Variants in RPS6KA6 observed in about 807,000 individuals in gnomAD.
The protein encoded by RPS6KA6 is ribosomal protein S6 kinase A6.
A neutral mutation model predicts 65.4 loss-of-function variants in RPS6KA6; 27 were observed. That is an observed-to-expected ratio of 0.41 (90% CI 0.30 to 0.57). The LOEUF (loss-of-function observed/expected upper bound fraction) is 0.57. Among genes scored for constraint, RPS6KA6 ranks in the 20% least tolerant of loss-of-function variants. The probability of loss-of-function intolerance (pLI) is 0.24; values close to 1 mark genes in which losing one functional copy is unlikely to be tolerated. For missense variants in RPS6KA6, 486 were observed against 555.6 expected (o/e 0.87, Z 1.26); for synonymous variants, 190 against 184.2 (o/e 1.03, Z -0.26).
intron 6 of RPS6KA6, among the ~76,000 whole-genome samples, chrX:84,142,000 T>C (rs1006437470): frequency 8.1e-5 from 9 of 111,675 alleles, no homozygotes; most frequent in Admixed American, 2.9e-4. Context: ...GGCAATTTAA[T>C]ATCACTATCA....
chrX:84,156,918 T>C (rs2035426177), intron 2 of RPS6KA6, among the ~76,000 whole-genome samples: 1 of 111,766 alleles, frequency 8.9e-6, no homozygotes, highest in Non-Finnish European at 1.9e-5. Context: ...TATCACAAAA[T>C]AACAGAGTTG....
chrX:84,153,859 G>A (rs973144462), intron 3 of RPS6KA6, among the ~76,000 whole-genome samples: 2 of 111,343 alleles, frequency 1.8e-5, no homozygotes, highest in African/African-American at 6.5e-5. Context: ...ACTACATAAA[G>A]ATCACTATTT....
intron 20 of RPS6KA6, among the ~76,000 whole-genome samples, chrX:84,091,837 C>T (rs778179397): frequency 8.9e-6 from 1 of 111,972 alleles, no homozygotes; most frequent in South Asian, 3.7e-4. Flanking sequence ...TAAATATACA[C>T]CATGGAATAC....
intron 13 of RPS6KA6, 62 bp from the exon 14 acceptor site, chrX:84,107,102 C>G: frequency 2.1e-6 from 2 of 964,539 alleles, no homozygotes; most frequent in Non-Finnish European, 2.8e-6. Flanking sequence ...TATAAAGTGT[C>G]AGAATTTCTT....
chrX:84,137,459 GAATT>G (rs759673047), intron 6 of RPS6KA6, among the ~76,000 whole-genome samples: 1 of 111,056 alleles, frequency 9.0e-6, no homozygotes, highest in South Asian at 3.7e-4. Context: ...TTCTCAAAAT[GAATT>G]AAGAATTTTT....
intron 20 of RPS6KA6, among the ~76,000 whole-genome samples, chrX:84,079,496 G>T (rs1048821925): frequency 9.1e-6 from 1 of 109,719 alleles, no homozygotes; most frequent in South Asian, 3.9e-4. Flanking sequence ...CCCCTGGAAA[G>T]GGGGCTGAAG....
chrX:84,133,407 A>C (rs933820012), intron 8 of RPS6KA6, among the ~76,000 whole-genome samples: 5 of 112,069 alleles, frequency 4.5e-5, no homozygotes, highest in Admixed American at 2.9e-4. Flanking sequence ...TTGTTAAAAA[A>C]AATTATAAAT....
In RPS6KA6 at chrX:84,062,804, A is replaced by C. The variant is rs2033321576; in HGVS notation, c.*1473T>G. 1 of 111,402 alleles carries C rather than the reference A, an allele frequency of 9.0e-6. No homozygotes were observed. Among genetic ancestry groups the C allele is most frequent in the African/African-American group, 3.3e-5 (1 of 30,710 alleles). The allele number at this position is 111,402 out of a possible 1,213,427, so 9.2% of individuals were successfully genotyped here. A position where few individuals can be genotyped will look rare whatever the true frequency, so the allele number is the denominator to read the frequency against. On this transcript the variant is annotated 3_prime_UTR_variant, in exon 22 of 22. Coordinates refer to ENST00000262752, the MANE Select transcript of RPS6KA6 (RefSeq NM_014496.5). ...AGTAATCAACTTTCTCTCTGAATAA[A>C]GCAAAATAAAATACATAGCAAATAG... is the stretch of plus-strand genomic sequence containing the variant.
intron 3 of RPS6KA6, among the ~76,000 whole-genome samples, chrX:84,153,447 C>T (rs763107193): frequency 1.5e-4 from 17 of 111,373 alleles, no homozygotes; most frequent in Admixed American, 2.9e-4. Context: ...TAGCATTATA[C>T]TTGGTGTGCT....
chrX:84,141,292 T>G (rs745759809), intron 6 of RPS6KA6, among the ~76,000 whole-genome samples: 17 of 110,270 alleles, frequency 1.5e-4, no homozygotes, highest in Admixed American at 4.9e-4. Flanking sequence ...GAAGACCATA[T>G]TTTCCTGACC....
intron 20 of RPS6KA6, among the ~76,000 whole-genome samples, chrX:84,080,754 G>T (rs2033778111): frequency 1.9e-5 from 2 of 106,037 alleles, no homozygotes; most frequent in Admixed American, 2.0e-4. Flanking sequence ...AAATGCAAAA[G>T]AATGGAAATC....
At chrX:84,118,677 T>A (rs1258113023) in intron 9 of RPS6KA6, among the ~76,000 whole-genome samples, 1 of 112,144 alleles carries the variant, frequency 8.9e-6, no homozygotes, top group African/African-American at 3.2e-5. Context: ...CTTTGACAAT[T>A]CATTTCTTTT....
intron 18 of RPS6KA6, among the ~76,000 whole-genome samples, chrX:84,101,546 T>C (rs1225834484): frequency 9.0e-6 from 1 of 111,078 alleles, no homozygotes; most frequent in Admixed American, 9.6e-5. Flanking sequence ...TAGAAGATCC[T>C]AAAGACAATC....
intron 8 of RPS6KA6, among the ~76,000 whole-genome samples, chrX:84,127,777 T>TA (rs376097643): frequency 0.01 from 1,026 of 99,504 alleles, 11 homozygotes; most frequent in African/African-American, 0.032. Context: ...CTCTTCATGA[T>TA]AAAAAAAAAA....
chrX:84,065,094 C>A lies in RPS6KA6; in HGVS notation c.1989G>T (p.Met663Ile). 2 of 1,187,748 alleles carry A rather than the reference C, an allele frequency of 1.7e-6. No homozygotes were observed. Among genetic ancestry groups the A allele is most frequent in the Non-Finnish European group, 2.3e-6 (2 of 880,951 alleles). Residue 663 changes from methionine (M) to isoleucine (I), a missense_variant, in exon 21 of 22, where the codon ATG (methionine) becomes ATT (isoleucine). Met to Ile is a conservative substitution (Grantham distance 10). Coordinates refer to ENST00000262752, the MANE Select transcript of RPS6KA6 (RefSeq NM_014496.5). ...SDGAKDLLSHMLHMDPHQRYT... is the reference protein window; with the variant it reads ...SDGAKDLLSHILHMDPHQRYT... ...ACCGCTGATGTGGGTCCATATGAAG[C>A]ATATGGGAAAGCAAATCCTAAATTA... is the stretch of plus-strand genomic sequence containing the variant.
At chrX:84,143,525 G>A (rs1053964071) in intron 6 of RPS6KA6, among the ~76,000 whole-genome samples, 1 of 111,073 alleles carries the variant, frequency 9.0e-6, no homozygotes, top group African/African-American at 3.3e-5. Context: ...ACAATACTGC[G>A]AGAAATTAAA....
At chrX:84,065,353 G>A (rs1467900805) in intron 20 of RPS6KA6, among the ~76,000 whole-genome samples, 1 of 111,359 alleles carries the variant, frequency 9.0e-6, no homozygotes, top group African/African-American at 3.3e-5. Flanking sequence ...TGTGGAATTG[G>A]ATGTGTGATT....
chrX:84,069,124 G>T (rs1015881314), intron 20 of RPS6KA6, among the ~76,000 whole-genome samples: 1 of 112,033 alleles, frequency 8.9e-6, no homozygotes, highest in African/African-American at 3.2e-5. Flanking sequence ...TAAGCATAAA[G>T]AATAAATCTG....
At chrX:84,069,966 T>A (rs1407570810) in intron 20 of RPS6KA6, among the ~76,000 whole-genome samples, 5 of 111,254 alleles carry the variant, frequency 4.5e-5, no homozygotes, top group African/African-American at 1.6e-4. Flanking sequence ...TTGGTGGGAG[T>A]GTAAATTAGT....
Sources: gnomAD v4.1 joint callset for allele counts (sites outside exome capture counted in the v4.1 genomes callset) on GRCh38, gnomAD v4.1.1 for gene constraint, MANE v1.5 for transcripts, NCBI Gene and HGNC (gene_info 2026-07-23, HGNC 2026-07-21) for gene names.